The following NFE2L2 variants were observed in gnomAD, a reference collection of about 807,000 sequenced individuals.
NFE2L2 encodes the protein NFE2 like bZIP transcription factor 2, also known as nuclear factor erythroid 2-related factor 2.
Under a neutral mutation model 49.6 loss-of-function variants are expected in NFE2L2, and 20 were observed. The ratio of observed to expected loss-of-function variants is 0.40; its 90% confidence interval spans 0.28 to 0.59. The LOEUF (loss-of-function observed/expected upper bound fraction) is 0.59. Among genes scored for constraint, NFE2L2 ranks in the 20% least tolerant of loss-of-function variants. NFE2L2 has a pLI of 0.40. For synonymous variants in NFE2L2, 244 were observed against 256.5 expected (o/e 0.95, Z 0.47); for missense variants, 578 against 714.2 (o/e 0.81, Z 2.17).
chr2:177,251,980 G>A (rs1293299641), intron 1 of NFE2L2, among the ~76,000 whole-genome samples: 2 of 122,436 alleles, frequency 1.6e-5, no homozygotes, highest in East Asian at 2.4e-4. Flanking sequence ...CAGCCTGGGC[G>A]ACAGAGTGAG....
intron 1 of NFE2L2, among the ~76,000 whole-genome samples, chr2:177,241,919 T>C (rs2105469729): frequency 6.6e-6 from 1 of 152,362 alleles, no homozygotes; most frequent in Middle Eastern, 3.4e-3. Context: ...GTAATCCTTA[T>C]TAGATAAAGC....
chr2:177,253,310 T>G (rs1361888179), intron 1 of NFE2L2, among the ~76,000 whole-genome samples: 1 of 152,214 alleles, frequency 6.6e-6, no homozygotes, highest in Non-Finnish European at 1.5e-5. Flanking sequence ...GGGCAGTTAA[T>G]GGACTCACCC....
Position 177,264,662 on chromosome 2 carries a change from T to TGGC in NFE2L2, c.-89_-87dup, listed in dbSNP as rs143406266. ...CGCGGCGCGGACAGGGCGGCTCTGGTGGCGGCGGCGGCGGCGGTGGCGGCT... is the reference window on the plus strand; with the variant it reads ...CGCGGCGCGGACAGGGCGGCTCTGGTGGCGGCGGCGGCGGCGGCGGTGGCGGCT... On this transcript the variant is annotated 5_prime_UTR_variant, in exon 1 of 5. Coordinates refer to ENST00000397062, the MANE Select transcript of NFE2L2 (RefSeq NM_006164.5). The TGGC allele has an allele frequency of 1.2e-4, 140 of 1,176,948 alleles. No homozygotes were observed. The highest frequency in any genetic ancestry group is 1.0e-3 in the Admixed American group (24 of 23,662). The allele number at this position is 1,176,948 out of a possible 1,614,324, so 72.9% of individuals were successfully genotyped here. A position where few individuals can be genotyped will look rare whatever the true frequency, so the allele number is the denominator to read the frequency against.
chr2:177,233,502 A>G lies in NFE2L2; in HGVS notation c.313-163T>C, dbSNP rs2105457165. ...TGATGCACAATTTGAACTAGACCAC[A>G]TGGGTTCAGATCTTAGCTCCTCCAA... On this transcript the variant is annotated intron_variant, in intron 2 of 4. Transcript: ENST00000397062. The G allele has an allele frequency of 4.8e-6, 3 of 620,948 alleles. No homozygotes were observed. The East Asian group carries it at 9.1e-5, about 19-fold the overall frequency. The allele number at this position is 620,948 out of a possible 1,614,324, so 38.5% of individuals were successfully genotyped here.
chr2:177,233,071 A>T (rs530541079), intron 3 of NFE2L2, 179 bp downstream of exon 3: 1 of 571,330 alleles, frequency 1.8e-6, no homozygotes, highest in Non-Finnish European at 3.0e-6. Flanking sequence ...TCTTAATTGT[A>T]AAGTTATTTA....
intron 1 of NFE2L2, chr2:177,263,826 A>C (rs927777269): frequency 1.9e-5 from 19 of 985,292 alleles, no homozygotes; most frequent in Non-Finnish European, 2.3e-5. Context: ...CAGCCGCCAC[A>C]CGTCGGGGCT....
chr2:177,259,367 C>T (rs1690644812), intron 1 of NFE2L2, among the ~76,000 whole-genome samples: 1 of 152,072 alleles, frequency 6.6e-6, no homozygotes, highest in Non-Finnish European at 1.5e-5. Context: ...TTACTAGTAC[C>T]AGCAGTTTGG....
At chr2:177,263,620 C>G in intron 1 of NFE2L2, 1 of 985,428 alleles carries the variant, frequency 1.0e-6, no homozygotes, top group Non-Finnish European at 1.2e-6. Context: ...CGAGCGCTGT[C>G]ACGGAAGCCA....
chr2:177,254,950 G>A (rs1031515919), intron 1 of NFE2L2, among the ~76,000 whole-genome samples: 1 of 152,122 alleles, frequency 6.6e-6, no homozygotes, highest in African/African-American at 2.4e-5. Context: ...CCAAAGTCTG[G>A]CTCTTTTCAC....
At chr2:177,236,302 G>C (rs529561750) in intron 1 of NFE2L2, among the ~76,000 whole-genome samples, 8 of 152,310 alleles carry the variant, frequency 5.3e-5, no homozygotes, top group African/African-American at 1.9e-4. Flanking sequence ...TTGAAGGTTG[G>C]CGTTGGAATC....
At chr2:177,237,521 T>C (rs1447306291) in intron 1 of NFE2L2, among the ~76,000 whole-genome samples, 1 of 151,762 alleles carries the variant, frequency 6.6e-6, no homozygotes, top group African/African-American at 2.4e-5. Flanking sequence ...AAACCTACTT[T>C]ATTTTATTTT....
chr2:177,230,665 G>C lies in NFE2L2; in HGVS notation c.*120C>G. 2.6e-6 allele frequency: 3 copies of C among 1,151,098 alleles called. No individual in the cohort carries two copies. Among genetic ancestry groups the C allele is most frequent in the Non-Finnish European group, 3.5e-6 (3 of 846,216 alleles). 71.3% of individuals were successfully genotyped at this position (1,151,098 alleles called of 1,614,324 possible). A position where few individuals can be genotyped will look rare whatever the true frequency, so the allele number is the denominator to read the frequency against. ...AAGTTTCGTATTATTTTCTATACTA[G>C]TTTTGGCTATGATTTTGCATAGAAT... On this transcript the variant is annotated 3_prime_UTR_variant, in exon 5 of 5. Transcript: ENST00000397062.
intron 1 of NFE2L2, among the ~76,000 whole-genome samples, chr2:177,257,030 A>C (rs1387983546): frequency 6.6e-6 from 1 of 152,272 alleles, no homozygotes; most frequent in Admixed American, 6.5e-5. Context: ...CCAGTTTCCA[A>C]ATATGTCAAC....
At chr2:177,262,336 G>C (rs551759336) in intron 1 of NFE2L2, among the ~76,000 whole-genome samples, 1 of 152,320 alleles carries the variant, frequency 6.6e-6, no homozygotes, top group East Asian at 1.9e-4. Context: ...CCCTTGAAAA[G>C]AGTAATGGAT....
At chr2:177,243,693 A>G (rs1439589539) in intron 1 of NFE2L2, among the ~76,000 whole-genome samples, 1 of 151,876 alleles carries the variant, frequency 6.6e-6, no homozygotes, top group African/African-American at 2.4e-5. Context: ...TTTTGTAGAG[A>G]TGGTTCTTGC....
chr2:177,233,211 A>G (rs1253071283), intron 3 of NFE2L2, 39 bp downstream of exon 3: 5 of 1,451,488 alleles, frequency 3.4e-6, no homozygotes, highest in South Asian at 1.2e-5. Context: ...TATAGTTATG[A>G]TGGAGTTTTT....
At position 177,231,531 on chromosome 2, in the gene NFE2L2, C is replaced by G. The variant is rs751156957; in HGVS notation, c.1072G>C (p.Glu358Gln). ...TAGCTGGAAGATTCCACTGAGTGTT[C>G]TGGTGATGCCACACTGGGACTTGTG... ...LNTSPSVASPEHSVESSSYGD... is the reference protein window; with the variant it reads ...LNTSPSVASPQHSVESSSYGD... The change falls in exon 5 of 5, where the codon GAA (glutamate) becomes CAA (glutamine). Residue 358 changes from glutamate (E) to glutamine (Q), a missense_variant. By Grantham distance (29) the Glu-to-Gln change is conservative. Coordinates refer to ENST00000397062, the MANE Select transcript of NFE2L2 (RefSeq NM_006164.5). 6.2e-7 allele frequency: 1 copy of G among 1,614,222 alleles called. No homozygotes were observed. The highest frequency in any genetic ancestry group is 8.5e-7 in the Non-Finnish European group (1 of 1,180,034).
chr2:177,256,070 G>T (rs1449856285), intron 1 of NFE2L2: 3 of 154,412 alleles, frequency 1.9e-5, no homozygotes, highest in Non-Finnish European at 4.4e-5. Context: ...AATATTCATG[G>T]TTCTTCAACA....
Position 177,264,640 on chromosome 2 carries a change from G to T in NFE2L2, c.-64C>A, listed in dbSNP as rs1690871040. The T allele has an allele frequency of 2.2e-6, 3 of 1,378,222 alleles. No individual in the cohort carries two copies. In the South Asian group the frequency reaches 5.0e-5, roughly 23 times the overall value. 85.4% of individuals were successfully genotyped at this position (1,378,222 alleles called of 1,614,324 possible). A position where few individuals can be genotyped will look rare whatever the true frequency, so the allele number is the denominator to read the frequency against. Reference sequence around the variant, plus strand: ...GGCCCTGTTCCGGCTGCCGAGGCGCGGCGCGGACAGGGCGGCTCTGGTGGC... The same window carrying T: ...GGCCCTGTTCCGGCTGCCGAGGCGCTGCGCGGACAGGGCGGCTCTGGTGGC... On this transcript the variant is annotated 5_prime_UTR_variant, in exon 1 of 5. Coordinates refer to ENST00000397062, the MANE Select transcript of NFE2L2 (RefSeq NM_006164.5).
Sources: allele counts gnomAD v4.1 joint callset (sites outside exome capture counted in the v4.1 genomes callset), GRCh38; gene constraint gnomAD v4.1.1; transcripts MANE v1.5; gene names NCBI Gene and HGNC (gene_info 2026-07-23, HGNC 2026-07-21).